PCNX2: variants seen among roughly 807,000 people sequenced by gnomAD.
PCNX2 encodes the protein pecanex 2.
PCNX2 carries 168 observed loss-of-function variants against 223.8 expected under a neutral mutation model. That is an observed-to-expected ratio of 0.75 (90% confidence interval 0.66 to 0.85). The LOEUF is 0.85. PCNX2 is among the 40% of genes least tolerant of loss of function. The pLI, the probability that PCNX2 is intolerant of heterozygous loss-of-function variation, is 0.00. For synonymous variants in PCNX2, 1,006 were observed against 1,052.6 expected (o/e 0.96, Z 0.86); for missense variants, 2,507 against 2,675.5 (o/e 0.94, Z 1.39).
At chr1:233,163,999 A>G (rs1678651034) in intron 17 of PCNX2, among the ~76,000 whole-genome samples, 1 of 152,214 alleles carries the variant, frequency 6.6e-6, no homozygotes, top group Non-Finnish European at 1.5e-5. Flanking sequence ...ATAAAGCTGC[A>G]ACAAATATTC....
At chr1:233,045,587 A>C (rs1671797022) in intron 25 of PCNX2, among the ~76,000 whole-genome samples, 1 of 152,160 alleles carries the variant, frequency 6.6e-6, no homozygotes, top group Non-Finnish European at 1.5e-5. Flanking sequence ...ACCACCTCCC[A>C]TTATAGAAAC....
At chr1:233,080,167 G>C (rs943686908) in intron 23 of PCNX2, among the ~76,000 whole-genome samples, 2 of 152,076 alleles carry the variant, frequency 1.3e-5, no homozygotes, top group African/African-American at 4.8e-5. Context: ...CTCTTTTCCA[G>C]TACCTCAGTC....
intron 25 of PCNX2, among the ~76,000 whole-genome samples, chr1:233,041,761 G>A (rs1198324816): frequency 2.0e-5 from 3 of 152,156 alleles, no homozygotes; most frequent in Non-Finnish European, 4.4e-5. Context: ...TTAATGGTGT[G>A]TCACGTTTTT....
Position 233,258,792 on chromosome 1 carries a change from G to GT in PCNX2, c.1069dup (p.Thr357AsnfsTer16). 1.2e-6 allele frequency: 2 copies of GT among 1,613,900 alleles called. No individual in the cohort carries two copies. The highest frequency in any genetic ancestry group is 1.7e-6 in the Non-Finnish European group (2 of 1,179,840). Reference sequence around the variant, plus strand: ...TCCGGGTTGAGAAGTATCGATGAGAGTAACAGCTACCTCACTATCTGAGGA... The same window carrying GT: ...TCCGGGTTGAGAAGTATCGATGAGAGTTAACAGCTACCTCACTATCTGAGGA... On this transcript the variant is annotated frameshift_variant, in exon 5 of 34. Transcript: ENST00000258229. LOFTEE classifies it high-confidence loss of function.
chr1:233,188,875 A>G (rs78423806), intron 15 of PCNX2, among the ~76,000 whole-genome samples: 2,067 of 152,342 alleles, frequency 0.014, 24 homozygotes, highest in Non-Finnish European at 0.019. Context: ...ATTAGGGACC[A>G]TAACTACATC....
intron 26 of PCNX2, chr1:233,018,848 C>T: frequency 1.0e-6 from 1 of 985,434 alleles, no homozygotes; most frequent in East Asian, 1.1e-4. Flanking sequence ...GAAACAAACG[C>T]TTAATTGATG....
At position 233,217,932 on chromosome 1, in the gene PCNX2, C is replaced by G. The variant is rs11589498; in HGVS notation, c.2659-1G>C. ...GTGAGGCGGGGTCAGGCTGAACACTCTAAAACACAAATCAGAAGTGTCTGT... is the reference window on the plus strand; with the variant it reads ...GTGAGGCGGGGTCAGGCTGAACACTGTAAAACACAAATCAGAAGTGTCTGT... On this transcript the variant is annotated splice_acceptor_variant, in intron 11 of 33. Coordinates refer to ENST00000258229, the MANE Select transcript of PCNX2 (RefSeq NM_014801.4). LOFTEE classifies it high-confidence loss of function. 6.2e-7 allele frequency: 1 copy of G among 1,613,848 alleles called. No individual in the cohort carries two copies. Among genetic ancestry groups the G allele is most frequent in the East Asian group, 2.2e-5 (1 of 44,864 alleles).
At chr1:233,101,018 TG>T (rs1459190776) in intron 21 of PCNX2, among the ~76,000 whole-genome samples, 1 of 152,174 alleles carries the variant, frequency 6.6e-6, no homozygotes, top group African/African-American at 2.4e-5. Context: ...GAGTTAAAGA[TG>T]CATGCAGTTC....
chr1:233,075,728 C>A (rs1415470607), intron 23 of PCNX2, among the ~76,000 whole-genome samples: 2 of 151,406 alleles, frequency 1.3e-5, no homozygotes, highest in East Asian at 3.9e-4. Context: ...CACACACACA[C>A]ACACACACAC....
At position 232,998,288 on chromosome 1, in the gene PCNX2, C is replaced by A; in HGVS notation, c.5754G>T (p.Gln1918His). 1 of 1,604,304 alleles carries A rather than the reference C, an allele frequency of 6.2e-7. No individual in the cohort carries two copies. The highest frequency in any genetic ancestry group is 2.3e-5 in the East Asian group (1 of 44,406). The change falls in exon 32 of 34, where the codon CAG becomes CAT. Residue 1918 changes from glutamine (Q) to histidine (H), a missense_variant. Coordinates refer to ENST00000258229, the MANE Select transcript of PCNX2 (RefSeq NM_014801.4). ...SAEQPRKGGAQHGVSSCEGTQ... is the reference protein window; with the variant it reads ...SAEQPRKGGAHHGVSSCEGTQ... The stretch of plus-strand genomic sequence containing the variant: ...TCCCTTCACAGGATGACACCCCGTG[C>A]TGAGCACCGCCTTTTCTGGGCTGTT...
At chr1:233,270,635 T>C (rs1011327045) in intron 1 of PCNX2, among the ~76,000 whole-genome samples, 2 of 152,218 alleles carry the variant, frequency 1.3e-5, no homozygotes, top group African/African-American at 4.8e-5. Context: ...CAAAGTAAGA[T>C]GAACAAAAAA....
chr1:233,234,222 T>C (rs1658252505), intron 9 of PCNX2, among the ~76,000 whole-genome samples: 1 of 152,208 alleles, frequency 6.6e-6, no homozygotes, highest in Non-Finnish European at 1.5e-5. Context: ...TATTTAATTT[T>C]TATTTTGTGG....
Position 233,259,037 on chromosome 1 carries a change from C to T in PCNX2, c.825G>A (p.Pro275=), listed in dbSNP as rs371142631. 9.8e-5 allele frequency: 158 copies of T among 1,613,842 alleles called. No individual in the cohort carries two copies. The highest frequency in any genetic ancestry group is 1.2e-4 in the Non-Finnish European group (147 of 1,179,884). Residue 275 remains proline, a synonymous_variant, in exon 5 of 34, where the codon CCG becomes CCA. Coordinates refer to ENST00000258229, the MANE Select transcript of PCNX2 (RefSeq NM_014801.4). ...TCAGGACTGAATTCTCACTCCCCCA[C>T]GGCTGGAAAGAAACGTCTGTTTCTA... ...DLLETDVSFQ[P]WGSENSVLIP...
At chr1:233,058,778 G>C (rs918496099) in intron 23 of PCNX2, among the ~76,000 whole-genome samples, 1 of 148,022 alleles carries the variant, frequency 6.8e-6, no homozygotes, top group Non-Finnish European at 1.5e-5. Flanking sequence ...CGATTGTCCT[G>C]CCTCAGCCTT....
Position 233,096,783 on chromosome 1 carries a change from T to A in PCNX2, c.3838-920A>T, listed in dbSNP as rs547961451. On this transcript the variant is annotated intron_variant, in intron 21 of 33. Transcript: ENST00000258229. ...TTTTAATTAGGCTCAATAGCCATTA[T>A]ATAAAACAGAAGGTCACAATGAAAA... Among the ~76,000 whole-genome samples the A allele has an allele frequency of 3.9e-5, 6 of 152,316 alleles. No individual in the cohort carries two copies. The South Asian group carries it at 1.2e-3, about 32-fold the overall frequency.
chr1:233,262,274 A>C (rs1440572671), intron 2 of PCNX2, 109 bp from the exon 3 acceptor site: 1 of 1,331,780 alleles, frequency 7.5e-7, no homozygotes, highest in Non-Finnish European at 1.0e-6. Flanking sequence ...ATTTTGTTAT[A>C]TTCCTTACAT....
intron 24 of PCNX2, among the ~76,000 whole-genome samples, chr1:233,055,485 C>T (rs1303321144): frequency 1.3e-5 from 2 of 151,846 alleles, no homozygotes; most frequent in African/African-American, 4.8e-5. Context: ...CCTGCTGAGC[C>T]CTGACTCTTT....
intron 21 of PCNX2, among the ~76,000 whole-genome samples, chr1:233,103,792 A>G: frequency 6.6e-6 from 1 of 152,206 alleles, no homozygotes; most frequent in Middle Eastern, 3.4e-3. Flanking sequence ...CTTTGGGGGC[A>G]TACAGCCAGC....
At chr1:233,135,241 G>A in intron 20 of PCNX2, 51 bp from the exon 21 acceptor site, 1 of 1,510,672 alleles carries the variant, frequency 6.6e-7, no homozygotes, top group Non-Finnish European at 9.0e-7. Flanking sequence ...GCACACTGCT[G>A]GATGAGTTTC....
Sources: gnomAD v4.1 joint callset for allele counts (sites outside exome capture counted in the v4.1 genomes callset) on GRCh38, gnomAD v4.1.1 for gene constraint, MANE v1.5 for transcripts, NCBI Gene and HGNC (gene_info 2026-07-23, HGNC 2026-07-21) for gene names.